VAV3: variants seen among roughly 807,000 people sequenced by gnomAD.
The protein encoded by VAV3 is vav guanine nucleotide exchange factor 3.
VAV3 carries 94 observed loss-of-function variants against 131.2 expected under a neutral mutation model. The observed-to-expected ratio is 0.72, with a 90% CI of 0.61 to 0.85. The LOEUF (loss-of-function observed/expected upper bound fraction) is 0.85, where lower values mean the gene tolerates loss of function less well. Ranked by LOEUF, VAV3 falls within the 40% of genes least tolerant of loss-of-function variation. The probability of loss-of-function intolerance (pLI) is 0.00; values close to 1 mark genes in which losing one functional copy is unlikely to be tolerated. For synonymous variants in VAV3, 349 were observed against 342.0 expected, an observed-to-expected ratio of 1.02 and a Z score of -0.22; for missense variants, 939 against 1,002.7, an observed-to-expected ratio of 0.94 and a Z score of 0.86.
intron 1 of VAV3, among the ~76,000 whole-genome samples, chr1:107,887,953 TAAC>T (rs931236604): frequency 1.8e-4 from 27 of 151,472 alleles, no homozygotes; most frequent in African/African-American, 3.9e-4. Context: ...TTTTACAAAA[TAAC>T]AATTTTTCTG....
intron 1 of VAV3, among the ~76,000 whole-genome samples, chr1:107,898,269 G>A (rs529262026): frequency 5.3e-4 from 81 of 152,244 alleles, no homozygotes; most frequent in African/African-American, 1.9e-3. Flanking sequence ...GGTAGTGAGA[G>A]TTCCTCTTAT....
At chr1:107,884,636 G>A (rs1405363362) in intron 1 of VAV3, among the ~76,000 whole-genome samples, 1 of 151,424 alleles carries the variant, frequency 6.6e-6, no homozygotes, top group Non-Finnish European at 1.5e-5. Flanking sequence ...TTTTTGTAGA[G>A]ATGAGGTCTC....
intron 19 of VAV3, among the ~76,000 whole-genome samples, chr1:107,677,478 A>G (rs750364249): frequency 6.6e-6 from 1 of 152,170 alleles, no homozygotes; most frequent in Non-Finnish European, 1.5e-5. Context: ...TTTTTCTGAA[A>G]TGGAATGGTA....
chr1:107,754,658 G>A (rs573966851), intron 12 of VAV3, among the ~76,000 whole-genome samples: 2 of 152,300 alleles, frequency 1.3e-5, no homozygotes, highest in Non-Finnish European at 2.9e-5. Context: ...CTACAAGGCT[G>A]TGTTATGTAA....
intron 25 of VAV3, among the ~76,000 whole-genome samples, chr1:107,594,832 C>T (rs558924188): frequency 1.3e-5 from 2 of 152,160 alleles, no homozygotes; most frequent in South Asian, 4.1e-4. Context: ...CTGTCTGCCC[C>T]ACTTCTCCCT....
intron 21 of VAV3, among the ~76,000 whole-genome samples, chr1:107,611,851 A>T (rs1278790371): frequency 2.0e-5 from 3 of 152,186 alleles, no homozygotes; most frequent in Admixed American, 6.6e-5. Context: ...CCCAGCCATG[A>T]TCCATATTAC....
chr1:107,949,403 C>T (rs1443117736), intron 1 of VAV3, among the ~76,000 whole-genome samples: 10 of 152,036 alleles, frequency 6.6e-5, no homozygotes, highest in African/African-American at 1.9e-4. Context: ...CTTGACCCTG[C>T]GGGCTCAAGA....
intron 2 of VAV3, among the ~76,000 whole-genome samples, chr1:107,793,022 T>C (rs1666368482): frequency 6.6e-6 from 1 of 152,136 alleles, no homozygotes; most frequent in Admixed American, 6.5e-5. Flanking sequence ...CAAACAAAAA[T>C]GACGATAAAT....
intron 1 of VAV3, among the ~76,000 whole-genome samples, chr1:107,942,447 T>G (rs1674044168): frequency 6.6e-6 from 1 of 152,206 alleles, no homozygotes; most frequent in Non-Finnish European, 1.5e-5. Context: ...CTTGGCAACA[T>G]TTTCTGAACC....
intron 1 of VAV3, among the ~76,000 whole-genome samples, chr1:107,888,596 T>C (rs868507061): frequency 6.6e-6 from 1 of 152,116 alleles, no homozygotes; most frequent in East Asian, 1.9e-4. Flanking sequence ...GTAGCTGGGA[T>C]GACAGGTGCC....
At chr1:107,635,264 T>C (rs1654827063) in intron 20 of VAV3, among the ~76,000 whole-genome samples, 1 of 151,994 alleles carries the variant, frequency 6.6e-6, no homozygotes, top group Non-Finnish European at 1.5e-5. Context: ...ATGTAGCAGA[T>C]ATACACCAAG....
intron 2 of VAV3, among the ~76,000 whole-genome samples, chr1:107,814,698 G>A (rs757578084): frequency 6.6e-6 from 1 of 152,076 alleles, no homozygotes; most frequent in African/African-American, 2.4e-5. Context: ...TAAAATTTTT[G>A]CAAGATTAGT....
At chr1:107,749,662 T>C in intron 13 of VAV3, 68 bp from the exon 14 acceptor site, 3 of 1,541,888 alleles carry the variant, frequency 1.9e-6, no homozygotes, top group Non-Finnish European at 2.6e-6. Flanking sequence ...TTTTTTTGGG[T>C]ATAAAGCAAC....
At chr1:107,611,908 T>C (rs1268253105) in intron 21 of VAV3, among the ~76,000 whole-genome samples, 1 of 152,098 alleles carries the variant, frequency 6.6e-6, no homozygotes, top group African/African-American at 2.4e-5. Context: ...CCCTCTGCAC[T>C]TTCTTCTGTG....
chr1:107,694,177 G>T (rs1020172657), intron 17 of VAV3, among the ~76,000 whole-genome samples: 5 of 152,208 alleles, frequency 3.3e-5, no homozygotes, highest in African/African-American at 1.2e-4. Flanking sequence ...AGCCTACATA[G>T]AAATAATTAG....
intron 25 of VAV3, among the ~76,000 whole-genome samples, chr1:107,595,199 A>G (rs1186523982): frequency 2.0e-5 from 3 of 152,136 alleles, no homozygotes; most frequent in Non-Finnish European, 2.9e-5. Context: ...GGCATACATC[A>G]TTGATCACTG....
intron 15 of VAV3, among the ~76,000 whole-genome samples, chr1:107,744,314 G>A (rs1450606738): frequency 6.6e-6 from 1 of 152,178 alleles, no homozygotes; most frequent in Non-Finnish European, 1.5e-5. Flanking sequence ...ACTGTGCCAG[G>A]CACTTATTAC....
intron 2 of VAV3, among the ~76,000 whole-genome samples, chr1:107,781,618 G>C (rs1182037694): frequency 3.3e-5 from 5 of 152,254 alleles, no homozygotes; most frequent in African/African-American, 1.2e-4. Flanking sequence ...TTAGAAAGAA[G>C]CAAAGGACAT....
At chr1:107,912,351 C>A (rs1348003551) in intron 1 of VAV3, among the ~76,000 whole-genome samples, 1 of 152,200 alleles carries the variant, frequency 6.6e-6, no homozygotes, top group East Asian at 1.9e-4. Flanking sequence ...GAAAACACCA[C>A]CAAGGGCAGA....
Sources: allele counts gnomAD v4.1 joint callset (sites outside exome capture counted in the v4.1 genomes callset), GRCh38; gene constraint gnomAD v4.1.1; transcripts MANE v1.5; gene names NCBI Gene and HGNC (gene_info 2026-07-23, HGNC 2026-07-21).